OR2L13: variants seen among roughly 807,000 people sequenced by gnomAD.
OR2L13 encodes olfactory receptor family 2 subfamily L member 13.
OR2L13 carries 14 observed loss-of-function variants against 15.3 expected under a neutral mutation model. The ratio of observed to expected loss-of-function variants is 0.91; its 90% CI spans 0.60 to 1.43. The LOEUF (loss-of-function observed/expected upper bound fraction) is 1.43. Among genes scored for constraint, OR2L13 ranks in the 40% most tolerant of loss-of-function variants. OR2L13 has a pLI of 0.00. For synonymous variants in OR2L13, 152 were observed against 142.9 expected (o/e 1.06, Z -0.45); for missense variants, 367 against 387.9 (o/e 0.95, Z 0.45).
the OR2L13 span, among the ~76,000 whole-genome samples, chr1:248,086,363 T>C: frequency 6.6e-6 from 1 of 152,290 alleles, no homozygotes; most frequent in Admixed American, 6.5e-5. Flanking sequence ...ATCGCTTTAA[T>C]TTGGAACCAT....
the OR2L13 span, among the ~76,000 whole-genome samples, chr1:248,081,136 G>C: frequency 1.3e-5 from 2 of 152,048 alleles, no homozygotes; most frequent in Admixed American, 1.3e-4. Flanking sequence ...TGAAGATTTT[G>C]AAGATTTTGA....
At chr1:248,008,196 A>G in the OR2L13 span, among the ~76,000 whole-genome samples, 2 of 152,158 alleles carry the variant, frequency 1.3e-5, no homozygotes, top group Non-Finnish European at 2.9e-5. Context: ...ACCTGAATAA[A>G]TAAACTTTAA....
the OR2L13 span, among the ~76,000 whole-genome samples, chr1:247,987,269 G>A: frequency 6.6e-6 from 1 of 152,146 alleles, no homozygotes; most frequent in Non-Finnish European, 1.5e-5. Flanking sequence ...AGTTTTTAGT[G>A]TGTAAAATCC....
At chr1:247,989,614 T>A in the OR2L13 span, among the ~76,000 whole-genome samples, 4 of 152,222 alleles carry the variant, frequency 2.6e-5, no homozygotes, top group African/African-American at 9.6e-5. Flanking sequence ...CAAAATAAGA[T>A]ATTTTTCTAA....
the OR2L13 span, among the ~76,000 whole-genome samples, chr1:247,988,534 G>A: frequency 2.6e-5 from 4 of 152,086 alleles, no homozygotes; most frequent in African/African-American, 7.2e-5. Context: ...ATATACATGT[G>A]TATTGATGTT....
At chr1:248,024,021 TTTTA>T in the OR2L13 span, 2 of 152,234 alleles carry the variant, frequency 1.3e-5, no homozygotes, top group East Asian at 1.9e-4. Context: ...ATATTTTTAT[TTTTA>T]TTTGTTATTA....
At chr1:247,946,537 G>T in the OR2L13 span, among the ~76,000 whole-genome samples, 1 of 152,116 alleles carries the variant, frequency 6.6e-6, no homozygotes, top group Non-Finnish European at 1.5e-5. Flanking sequence ...GCAGACCACA[G>T]GGTAAAATGT....
chr1:247,967,045 C>CCCCACACACACACACACA, the OR2L13 span, among the ~76,000 whole-genome samples: 1 of 147,410 alleles, frequency 6.8e-6, no homozygotes, highest in Non-Finnish European at 1.5e-5. Flanking sequence ...ACACCACACA[C>CCCCACACACACACACACA]CACACACACA....
chr1:248,007,272 T>G, the OR2L13 span, among the ~76,000 whole-genome samples: 1 of 152,170 alleles, frequency 6.6e-6, no homozygotes, highest in Non-Finnish European at 1.5e-5. Flanking sequence ...GGTGATCCTA[T>G]TTTTCATGCC....
chr1:247,950,628 T>C, the OR2L13 span, among the ~76,000 whole-genome samples: 2 of 152,198 alleles, frequency 1.3e-5, no homozygotes, highest in African/African-American at 2.4e-5. Context: ...TTGTCAGATA[T>C]CATTTAACTA....
At chr1:248,072,084 A>T in the OR2L13 span, among the ~76,000 whole-genome samples, 3 of 151,680 alleles carry the variant, frequency 2.0e-5, no homozygotes, top group African/African-American at 2.4e-5. Context: ...TGCCATCCCC[A>T]TCAAGCTACC....
chr1:247,959,196 T>C, the OR2L13 span, among the ~76,000 whole-genome samples: 1 of 151,998 alleles, frequency 6.6e-6, no homozygotes, highest in Non-Finnish European at 1.5e-5. Context: ...TCTCCTTCAC[T>C]TATGAAGCTT....
the OR2L13 span, among the ~76,000 whole-genome samples, chr1:247,964,937 G>C: frequency 6.7e-6 from 1 of 148,842 alleles, no homozygotes; most frequent in South Asian, 2.1e-4. Context: ...ATAGATACGT[G>C]TATATAAAAT....
the OR2L13 span, among the ~76,000 whole-genome samples, chr1:247,993,756 AGAGG>A: frequency 1.8e-5 from 1 of 54,074 alleles, no homozygotes. Flanking sequence ...AGAGACAGAG[AGAGG>A]GGGAGAGAGA....
chr1:248,095,606 G>GTTTTTTTTTTTTTTTT (rs1476154907), upstream of OR2L13, among the ~76,000 whole-genome samples: 1 of 6,628 alleles, frequency 1.5e-4, no homozygotes, highest in Non-Finnish European at 4.9e-4. Context: ...TAAAGCTGCT[G>GTTTTTTTTTTTTTTTT]CTTTTTTTTT....
At chr1:247,976,371 G>A in the OR2L13 span, among the ~76,000 whole-genome samples, 17 of 152,122 alleles carry the variant, frequency 1.1e-4, no homozygotes, top group Non-Finnish European at 2.2e-4. Flanking sequence ...TACAGCTTGG[G>A]TTGGGGTCAA....
chr1:248,097,853 T>C (rs1422730621), intron 1 of OR2L13, among the ~76,000 whole-genome samples: 2 of 152,198 alleles, frequency 1.3e-5, no homozygotes, highest in Non-Finnish European at 2.9e-5. Flanking sequence ...CCCTAAGGCC[T>C]GGGCACATCA....
the OR2L13 span, among the ~76,000 whole-genome samples, chr1:247,978,372 C>T: frequency 7.9e-5 from 12 of 152,272 alleles, no homozygotes; most frequent in Non-Finnish European, 1.6e-4. Flanking sequence ...CCTTGGTCTC[C>T]CCATAGGTGG....
the OR2L13 span, chr1:248,061,484 C>G: frequency 6.2e-7 from 1 of 1,613,998 alleles, no homozygotes; most frequent in Non-Finnish European, 8.5e-7. Context: ...CGATCTCCAA[C>G]AGAGGACAAG....
Sources: allele counts gnomAD v4.1 joint callset (sites outside exome capture counted in the v4.1 genomes callset), GRCh38; gene constraint gnomAD v4.1.1; transcripts MANE v1.5; gene names NCBI Gene and HGNC (gene_info 2026-07-23, HGNC 2026-07-21).